The following CLIC5 variants were observed in gnomAD, a reference collection of about 807,000 sequenced individuals.
CLIC5 encodes the protein chloride intracellular channel protein 5.
In CLIC5, 20 loss-of-function variants were observed where a neutral mutation model predicts 24.7. That is an observed-to-expected ratio of 0.81 (90% CI 0.57 to 1.18). CLIC5 has a LOEUF of 1.18. Ranked by LOEUF, CLIC5 falls within the 50% of genes most tolerant of loss-of-function variation. CLIC5 has a pLI of 0.00. For synonymous variants in CLIC5, 159 were observed against 135.6 expected (o/e 1.17, Z -1.20); for missense variants, 341 against 326.1 (o/e 1.05, Z -0.35).
intron 1 of CLIC5, among the ~76,000 whole-genome samples, chr6:45,978,959 A>C (rs1034629419): frequency 1.3e-4 from 20 of 151,888 alleles, no homozygotes; most frequent in Non-Finnish European, 2.5e-4. Flanking sequence ...AAAAAAAAAA[A>C]AAACAGAAAA....
At chr6:46,064,748 G>A (rs930876119) in intron 1 of CLIC5, among the ~76,000 whole-genome samples, 1 of 151,880 alleles carries the variant, frequency 6.6e-6, no homozygotes, top group Admixed American at 6.6e-5. Flanking sequence ...AAGAAGGGAG[G>A]GAGGAAAGGG....
intron 1 of CLIC5, chr6:46,079,589 T>G: frequency 1.1e-6 from 1 of 874,582 alleles, no homozygotes; most frequent in South Asian, 1.8e-5. Flanking sequence ...TGAATATGTA[T>G]TGAGATCCAA....
upstream of CLIC5, among the ~76,000 whole-genome samples, chr6:46,016,633 A>AT (rs1661629301): frequency 6.6e-6 from 1 of 152,172 alleles, no homozygotes. Context: ...AAAGATGCAC[A>AT]TATCTTAGGT....
At chr6:45,892,560 G>A (rs4537135) in intron 6 of CLIC5, among the ~76,000 whole-genome samples, 79,098 of 151,994 alleles carry the variant, frequency 0.52, 21,372 homozygotes, top group African/African-American at 0.67. Flanking sequence ...TCTTGCCTGT[G>A]TGGAGGCATT....
intron 4 of CLIC5, among the ~76,000 whole-genome samples, chr6:45,935,313 G>A (rs929580762): frequency 3.9e-5 from 6 of 152,198 alleles, no homozygotes; most frequent in African/African-American, 9.7e-5. Flanking sequence ...GTTTCACAGC[G>A]ACGCTTGCTA....
chr6:45,997,004 G>A (rs1766168113), intron 1 of CLIC5, among the ~76,000 whole-genome samples: 1 of 152,066 alleles, frequency 6.6e-6, no homozygotes, highest in South Asian at 2.1e-4. Context: ...CCATTACTGG[G>A]TATATACCCA....
At chr6:45,937,678 T>C (rs916180041) in intron 4 of CLIC5, 4 of 152,276 alleles carry the variant, frequency 2.6e-5, no homozygotes, top group African/African-American at 7.2e-5. Flanking sequence ...CTCGGACTTG[T>C]AGTCACTTTA....
At chr6:45,980,373 C>T (rs1280952631) in intron 1 of CLIC5, among the ~76,000 whole-genome samples, 1 of 151,994 alleles carries the variant, frequency 6.6e-6, no homozygotes, top group East Asian at 1.9e-4. Flanking sequence ...ATACACATGG[C>T]CATAAAGATG....
intron 1 of CLIC5, among the ~76,000 whole-genome samples, chr6:46,046,088 G>C (rs936333120): frequency 6.6e-6 from 1 of 152,188 alleles, no homozygotes; most frequent in Non-Finnish European, 1.5e-5. Flanking sequence ...TCTCCAGTAG[G>C]ACTTTGGTGA....
At chr6:46,107,776 C>T in the CLIC5 span, among the ~76,000 whole-genome samples, 1 of 152,108 alleles carries the variant, frequency 6.6e-6, no homozygotes. Flanking sequence ...TGGCTCACGC[C>T]TGTAATCCCA....
At chr6:46,096,396 A>G in the CLIC5 span, among the ~76,000 whole-genome samples, 1 of 152,224 alleles carries the variant, frequency 6.6e-6, no homozygotes, top group African/African-American at 2.4e-5. Context: ...CACACCGTGC[A>G]ATGCTGGCTA....
chr6:45,986,757 A>G (rs924304525), intron 1 of CLIC5, among the ~76,000 whole-genome samples: 1 of 125,488 alleles, frequency 8.0e-6, no homozygotes, highest in Non-Finnish European at 1.6e-5. Context: ...CTGGGTGGAG[A>G]CCCTGGTAAG....
chr6:46,102,551 G>A, the CLIC5 span: 1 of 152,364 alleles, frequency 6.6e-6, no homozygotes, highest in Non-Finnish European at 1.5e-5. Flanking sequence ...TTGAGAGAAA[G>A]AAGGTCAGAG....
At chr6:45,904,958 T>A (rs964367171) in intron 5 of CLIC5, among the ~76,000 whole-genome samples, 1 of 152,066 alleles carries the variant, frequency 6.6e-6, no homozygotes, top group Non-Finnish European at 1.5e-5. Context: ...CTCCTACTTA[T>A]AAGTGAGAAC....
the CLIC5 span, among the ~76,000 whole-genome samples, chr6:46,117,489 G>A: frequency 6.6e-6 from 1 of 152,346 alleles, no homozygotes; most frequent in African/African-American, 2.4e-5. Context: ...CAATTAAAAT[G>A]TATAGCTCTT....
intron 1 of CLIC5, among the ~76,000 whole-genome samples, chr6:46,032,235 A>C (rs1009283442): frequency 1.3e-5 from 2 of 152,140 alleles, no homozygotes; most frequent in Non-Finnish European, 2.9e-5. Flanking sequence ...GGTGCTACAC[A>C]CTTTTAAACA....
intron 1 of CLIC5, among the ~76,000 whole-genome samples, chr6:45,981,124 C>G (rs1765555703): frequency 6.6e-6 from 1 of 151,984 alleles, no homozygotes; most frequent in Non-Finnish European, 1.5e-5. Context: ...TATTTACCAC[C>G]AGGTCTGGCT....
intron 1 of CLIC5, among the ~76,000 whole-genome samples, chr6:46,061,311 A>G (rs1374929074): frequency 1.3e-5 from 2 of 152,046 alleles, no homozygotes; most frequent in Non-Finnish European, 2.9e-5. Flanking sequence ...TGCCTCAGCC[A>G]CCCAAGTAGC....
chr6:46,068,614 C>T (rs75506523), intron 1 of CLIC5, among the ~76,000 whole-genome samples: 2,564 of 152,110 alleles, frequency 0.017, 32 homozygotes, highest in Middle Eastern at 0.054. Context: ...ATGTTGAAAT[C>T]CTAAACCCTT....
Sources: allele counts gnomAD v4.1 joint callset (sites outside exome capture counted in the v4.1 genomes callset), GRCh38; gene constraint gnomAD v4.1.1; transcripts MANE v1.5; gene names NCBI Gene and HGNC (gene_info 2026-07-23, HGNC 2026-07-21).